ANO1: variants seen among roughly 807,000 people sequenced by gnomAD.
The protein encoded by ANO1 is anoctamin 1.
A neutral mutation model predicts 124.0 loss-of-function variants in ANO1; 59 were observed. The observed-to-expected ratio is 0.48, with a 90% CI of 0.39 to 0.59. The LOEUF is 0.59. Among genes scored for constraint, ANO1 ranks in the 20% least tolerant of loss-of-function variants. ANO1 has a pLI of 0.00. For synonymous variants in ANO1, 529 were observed against 532.0 expected (o/e 0.99, Z 0.08); for missense variants, 1,059 against 1,328.0 (o/e 0.80, Z 3.15).
intron 23 of ANO1, among the ~76,000 whole-genome samples, chr11:70,180,809 C>T (rs935498447): frequency 2.6e-5 from 4 of 152,210 alleles, no homozygotes; most frequent in African/African-American, 4.8e-5. Flanking sequence ...TAATCTGAAA[C>T]GTATGGCTGC....
At chr11:70,052,916 A>C (rs1371401441) in intron 1 of ANO1, among the ~76,000 whole-genome samples, 3 of 152,188 alleles carry the variant, frequency 2.0e-5, no homozygotes, top group African/African-American at 7.2e-5. Context: ...CCATCCTGCC[A>C]TTCATTCCAG....
chr11:70,061,450 C>T (rs1857574708), intron 1 of ANO1, among the ~76,000 whole-genome samples: 1 of 151,336 alleles, frequency 6.6e-6, no homozygotes, highest in African/African-American at 2.4e-5. Context: ...TCTTTTCTCT[C>T]TCCTTCTCTC....
intron 2 of ANO1, among the ~76,000 whole-genome samples, chr11:70,089,927 G>C (rs1035160619): frequency 2.6e-5 from 4 of 152,196 alleles, no homozygotes; most frequent in Non-Finnish European, 5.9e-5. Flanking sequence ...CACTCTCTGG[G>C]AGCTGAGGCC....
At chr11:70,013,725 T>C (rs1856643316) in intron 1 of ANO1, among the ~76,000 whole-genome samples, 1 of 150,202 alleles carries the variant, frequency 6.7e-6, no homozygotes, top group South Asian at 2.1e-4. Context: ...TCGTCCAAAC[T>C]CGGGAAGCGG....
chr11:70,047,387 C>T (rs1472803163), intron 1 of ANO1, among the ~76,000 whole-genome samples: 2 of 152,084 alleles, frequency 1.3e-5, no homozygotes, highest in African/African-American at 2.4e-5. Context: ...ATTATGGCTA[C>T]AATAGATTGA....
In ANO1 at chr11:70,058,912, G is replaced by A. The variant is rs570256173; in HGVS notation, c.59-19630G>A. 6.6e-5 allele frequency among the ~76,000 whole-genome samples: 10 copies of A among 152,176 alleles called. No individual in the cohort carries two copies. In the South Asian group the frequency reaches 1.5e-3, roughly 22 times the overall value. ...AGCTGGACTATTGTCCGCCGAGTGC[G>A]GTGGCTCACGCCTGTAATCCCAGCA... On this transcript the variant is annotated intron_variant, in intron 1 of 27. Coordinates refer to the ANO1 transcript ENST00000531349.
chr11:70,071,181 C>T (rs7924441), intron 1 of ANO1, among the ~76,000 whole-genome samples: 2,052 of 152,248 alleles, frequency 0.013, 44 homozygotes, highest in African/African-American at 0.046. Context: ...CCTAATATTT[C>T]GGGAATGTGC....
intron 7 of ANO1, among the ~76,000 whole-genome samples, chr11:70,115,697 C>T (rs941479295): frequency 2.6e-5 from 4 of 152,150 alleles, no homozygotes; most frequent in African/African-American, 9.7e-5. Flanking sequence ...TCGACAGGGC[C>T]GCTCCCTTGC....
At chr11:70,182,415 G>A (rs2048961453) in intron 23 of ANO1, 87 bp from the exon 24 acceptor site, 1 of 1,178,986 alleles carries the variant, frequency 8.5e-7, no homozygotes, top group Non-Finnish European at 1.2e-6. Flanking sequence ...AGGGTCCAGT[G>A]TAACTGTGGA....
chr11:70,128,813 A>T (rs1478584272), intron 10 of ANO1, among the ~76,000 whole-genome samples: 1 of 152,204 alleles, frequency 6.6e-6, no homozygotes, highest in African/African-American at 2.4e-5. Context: ...AACCAGCAGA[A>T]AAAGGCTTCT....
intron 1 of ANO1, among the ~76,000 whole-genome samples, chr11:70,081,902 T>C (rs2044213073): frequency 6.6e-6 from 1 of 152,232 alleles, no homozygotes; most frequent in South Asian, 2.1e-4. Context: ...AGGGAAGTAT[T>C]TCTCTTCCAC....
the ANO1 span, among the ~76,000 whole-genome samples, chr11:69,971,166 G>C: frequency 3.3e-5 from 5 of 152,194 alleles, no homozygotes; most frequent in Non-Finnish European, 5.9e-5. Flanking sequence ...TGTGCTGGGG[G>C]GGCACCAACT....
intron 4 of ANO1, 127 bp from the exon 5 acceptor site, chr11:70,105,607 C>G: frequency 3.5e-6 from 3 of 850,050 alleles, no homozygotes; most frequent in Non-Finnish European, 5.8e-6. Context: ...ACCTGGCGTG[C>G]GGACAGAGTT....
chr11:70,056,534 T>C (rs1326098061), intron 1 of ANO1: 1 of 152,014 alleles, frequency 6.6e-6, no homozygotes, highest in African/African-American at 2.4e-5. Context: ...GTGCTAGATG[T>C]CCTAGGAAAA....
intron 1 of ANO1, among the ~76,000 whole-genome samples, chr11:70,047,924 C>T (rs374794333): frequency 6.6e-6 from 1 of 152,160 alleles, no homozygotes; most frequent in Non-Finnish European, 1.5e-5. Flanking sequence ...TAAATTGTAT[C>T]GTTGTGGAAT....
At chr11:70,163,388 C>T (rs371820884) in intron 19 of ANO1, 48 bp downstream of exon 19, 59 of 1,601,248 alleles carry the variant, frequency 3.7e-5, no homozygotes, top group Non-Finnish European at 5.0e-5. Flanking sequence ...GTCTTGCTTA[C>T]GATTTGTCTA....
At chr11:70,135,925 G>C (rs1047039015) in intron 11 of ANO1, among the ~76,000 whole-genome samples, 1 of 152,232 alleles carries the variant, frequency 6.6e-6, no homozygotes, top group Middle Eastern at 3.2e-3. Context: ...CTGAGTGCCA[G>C]AGCATCACCC....
chr11:70,155,223 A>G (rs1474527707), intron 14 of ANO1, among the ~76,000 whole-genome samples: 1 of 152,238 alleles, frequency 6.6e-6, no homozygotes, highest in Non-Finnish European at 1.5e-5. Flanking sequence ...CCAAGCCACA[A>G]CAGCGAATCT....
rs1323285959 is a variant in ANO1 at position 70,171,013 on chromosome 11, C to T, written c.2324C>T (p.Pro775Leu). The T allele has an allele frequency of 5.0e-6, 8 of 1,612,472 alleles. No individual in the cohort carries two copies. The highest frequency in any genetic ancestry group is 5.9e-6 in the Non-Finnish European group (7 of 1,179,272). Residue 775 changes from proline to leucine, a missense_variant, in exon 22 of 26, where the codon CCG becomes CTG. Coordinates refer to ENST00000355303, the MANE Select transcript of ANO1 (RefSeq NM_018043.7). ...AAGTTTGTCACTGAGCTCCGAAGGCCGGTAGCTGTCAGAGCCAAAGACATC... is the reference window on the plus strand; with the variant it reads ...AAGTTTGTCACTGAGCTCCGAAGGCTGGTAGCTGTCAGAGCCAAAGACATC... ...AKKFVTELRR[P>L]VAVRAKDIGI...
Sources: gnomAD v4.1 joint callset for allele counts (sites outside exome capture counted in the v4.1 genomes callset) on GRCh38, gnomAD v4.1.1 for gene constraint, MANE v1.5 for transcripts, NCBI Gene and HGNC (gene_info 2026-07-23, HGNC 2026-07-21) for gene names.